XXYLT1: variants seen among roughly 807,000 people sequenced by gnomAD.
The protein encoded by XXYLT1 is UDP-xylose:alpha-xyloside alpha-1,3-xylosyltransferase.
Under a neutral mutation model 28.9 loss-of-function variants are expected in XXYLT1, and 20 were observed. The ratio of observed to expected loss-of-function variants is 0.69; its 90% CI spans 0.49 to 1.00. XXYLT1 has a LOEUF of 1.00. Among genes scored for constraint, XXYLT1 ranks in the 50% least tolerant of loss-of-function variants. The probability of loss-of-function intolerance (pLI) is 0.00; values close to 1 mark genes in which losing one functional copy is unlikely to be tolerated. For synonymous variants in XXYLT1, 257 were observed against 253.8 expected, an observed-to-expected ratio of 1.01 and a Z score of -0.12; for missense variants, 542 against 560.1, an observed-to-expected ratio of 0.97 and a Z score of 0.33.
chr3:195,119,870 AAAC>A (rs960811381), intron 3 of XXYLT1, among the ~76,000 whole-genome samples: 3 of 151,922 alleles, frequency 2.0e-5, no homozygotes, highest in East Asian at 1.9e-4. Context: ...TCTGCAGTTG[AAAC>A]AACAAGGTCA....
intron 2 of XXYLT1, among the ~76,000 whole-genome samples, chr3:195,197,240 C>T (rs564476548): frequency 2.0e-5 from 3 of 152,258 alleles, no homozygotes; most frequent in South Asian, 4.1e-4. Flanking sequence ...AGTTTGAGAC[C>T]AGCCTGGCCA....
rs887663170 is a variant in XXYLT1 at position 195,257,486 on chromosome 3, T to G, written c.504+13069A>C. Among the ~76,000 whole-genome samples the G allele has an allele frequency of 1.3e-5, 2 of 152,028 alleles. No individual in the cohort carries two copies. The highest frequency in any genetic ancestry group is 2.9e-5 in the Non-Finnish European group (2 of 67,988). On this transcript the variant is annotated intron_variant, in intron 1 of 3. Transcript: ENST00000310380. The surrounding 1 kb of genome is among the most constrained non-coding windows in gnomAD (Gnocchi z 4.3). ...CATCATGAAAGGCGAGTTAATCAGA[T>G]GAAGATGGGAGGAATGGGTGATCCG...
intron 1 of XXYLT1, among the ~76,000 whole-genome samples, chr3:195,252,720 A>ACG (rs1397215056): frequency 7.5e-6 from 1 of 133,876 alleles, no homozygotes; most frequent in East Asian, 2.0e-4. Flanking sequence ...ACACACACAC[A>ACG]CACACACAGA....
At chr3:195,201,581 G>A (rs1451780532) in intron 2 of XXYLT1, among the ~76,000 whole-genome samples, 2 of 152,188 alleles carry the variant, frequency 1.3e-5, no homozygotes, top group African/African-American at 4.8e-5. Context: ...CTGTACTGGA[G>A]CCTCAGGTTT....
At chr3:195,213,559 C>T (rs188683083) in intron 2 of XXYLT1, among the ~76,000 whole-genome samples, 148 of 152,258 alleles carry the variant, frequency 9.7e-4, no homozygotes, top group Non-Finnish European at 1.6e-3. Context: ...CCACCACGCC[C>T]GGCGAGGGCA....
At chr3:195,143,947 G>A (rs1719695516) in intron 3 of XXYLT1, among the ~76,000 whole-genome samples, 1 of 145,408 alleles carries the variant, frequency 6.9e-6, no homozygotes, top group Non-Finnish European at 1.5e-5. Context: ...CCAGGCTGGA[G>A]TGCAAGGGCG....
chr3:195,270,232 C>T, intron 1 of XXYLT1: 1 of 589,384 alleles, frequency 1.7e-6, no homozygotes, highest in South Asian at 1.6e-5. Context: ...GAGGTGCAGA[C>T]TCTGAAGGCA....
At chr3:195,193,759 C>CA (rs1722514691) in intron 2 of XXYLT1, among the ~76,000 whole-genome samples, 1 of 151,910 alleles carries the variant, frequency 6.6e-6, no homozygotes, top group Non-Finnish European at 1.5e-5. Context: ...ATATTTTCAA[C>CA]AAAAATGTGA....
rs549621656 is a variant in XXYLT1, at chr3:195,180,370, C to T, written c.653-23789G>A. 61 of 985,298 alleles carry T rather than the reference C, an allele frequency of 6.2e-5. No individual in the cohort carries two copies. Among genetic ancestry groups the T allele is most frequent in the East Asian group, 5.7e-4 (5 of 8,812 alleles). 61.0% of individuals were successfully genotyped at this position (985,298 alleles called of 1,614,324 possible). On this transcript the variant is annotated intron_variant, in intron 2 of 3. Transcript: ENST00000310380. The surrounding 1 kb of genome is among the most constrained non-coding windows in gnomAD (Gnocchi z 5.8). ...GTCTGGATGGTTTATCCCCCTGGCC[C>T]GCCTGGCCCTCAAGACACACTTCCT...
At chr3:195,184,553 G>A in intron 2 of XXYLT1, 2 of 948,886 alleles carry the variant, frequency 2.1e-6, no homozygotes, top group Non-Finnish European at 2.5e-6. Flanking sequence ...TCCTAATTCT[G>A]GAAGTTTAAG....
At chr3:195,191,147 T>G (rs1288725266) in intron 2 of XXYLT1, among the ~76,000 whole-genome samples, 1 of 152,210 alleles carries the variant, frequency 6.6e-6, no homozygotes. Context: ...AGTTGACCCT[T>G]GAACAATACA....
Position 195,077,371 on chromosome 3 carries a change from G to A in XXYLT1, c.786-7260C>T, listed in dbSNP as rs987276776. ...GAAGATGCCCCCACTGGGCTGGTCC[G>A]GGACTCTGCGCTGACCCTGCCCAGC... On this transcript the variant is annotated intron_variant, in intron 3 of 3. Coordinates refer to ENST00000310380, the MANE Select transcript of XXYLT1 (RefSeq NM_152531.5). This position sits in a 1 kb window ranked among gnomAD's most constrained non-coding sequence, Gnocchi z 4.8. Among the ~76,000 whole-genome samples, 1 of 152,170 alleles carries A rather than the reference G, an allele frequency of 6.6e-6. No homozygotes were observed.
chr3:195,101,310 C>T (rs946346575), intron 3 of XXYLT1, among the ~76,000 whole-genome samples: 2 of 152,258 alleles, frequency 1.3e-5, no homozygotes, highest in Non-Finnish European at 2.9e-5. Context: ...CCCACTGCCA[C>T]CTTCATCAAA....
intron 3 of XXYLT1, among the ~76,000 whole-genome samples, chr3:195,107,484 A>G: frequency 7.3e-6 from 1 of 136,546 alleles, no homozygotes; most frequent in African/African-American, 2.7e-5. Context: ...CAAAAAAAAA[A>G]AAAAAAGGAA....
chr3:195,219,245 G>A (rs1381301442), intron 2 of XXYLT1, among the ~76,000 whole-genome samples: 2 of 152,106 alleles, frequency 1.3e-5, no homozygotes, highest in African/African-American at 2.4e-5. Context: ...CAGCGCACCA[G>A]CATGGCACAT....
intron 1 of XXYLT1, among the ~76,000 whole-genome samples, chr3:195,253,364 AT>A (rs2108843239): frequency 6.6e-6 from 1 of 152,258 alleles, no homozygotes; most frequent in South Asian, 2.1e-4. Flanking sequence ...ATCCCGTTTC[AT>A]TTCCCAAGGC....
chr3:195,166,373 G>A (rs945820110), intron 2 of XXYLT1, among the ~76,000 whole-genome samples: 4 of 152,154 alleles, frequency 2.6e-5, no homozygotes, highest in African/African-American at 7.2e-5. Context: ...AACTGCAGCT[G>A]AGTGCAAAAA....
intron 3 of XXYLT1, among the ~76,000 whole-genome samples, chr3:195,117,136 C>CACACACACACACACACACACACACAT (rs1385834823): frequency 1.4e-5 from 2 of 144,768 alleles, no homozygotes; most frequent in African/African-American, 5.2e-5. Flanking sequence ...CACACACACA[C>CACACACACACACACACACACACACAT]ACACACATCC....
At chr3:195,148,366 T>C (rs2108662248) in intron 3 of XXYLT1, among the ~76,000 whole-genome samples, 1 of 152,278 alleles carries the variant, frequency 6.6e-6, no homozygotes, top group African/African-American at 2.4e-5. Context: ...AAGGAATCAC[T>C]ATTTTAAAAG....
Sources: gnomAD v4.1 joint callset for allele counts (sites outside exome capture counted in the v4.1 genomes callset) on GRCh38, gnomAD v4.1.1 for gene constraint, Gnocchi (gnomAD v3.1) non-coding constraint, MANE v1.5 for transcripts, NCBI Gene and HGNC (gene_info 2026-07-23, HGNC 2026-07-21) for gene names.